Variants in ACSM3 observed in about 807,000 individuals in gnomAD.
ACSM3 encodes the protein acyl-coenzyme A synthetase ACSM3, mitochondrial.
A neutral mutation model predicts 74.1 loss-of-function variants in ACSM3; 61 were observed. The ratio of observed to expected loss-of-function variants is 0.82; its 90% CI spans 0.67 to 1.02. The LOEUF (loss-of-function observed/expected upper bound fraction) is 1.02, where lower values mean the gene tolerates loss of function less well. Ranked by LOEUF, ACSM3 falls within the 50% of genes least tolerant of loss-of-function variation. The pLI, the probability that ACSM3 is intolerant of heterozygous loss-of-function variation, is 0.00. For missense variants in ACSM3, 660 were observed against 697.0 expected, an observed-to-expected ratio of 0.95 and a Z score of 0.60; for synonymous variants, 213 against 241.5, an observed-to-expected ratio of 0.88 and a Z score of 1.09.
chr16:20,716,656 A>T (rs2079762727), intron 1 of ACSM3, among the ~76,000 whole-genome samples: 1 of 151,926 alleles, frequency 6.6e-6, no homozygotes, highest in Non-Finnish European at 1.5e-5. Flanking sequence ...ACATCCTCAC[A>T]CCCTCACCTG....
At chr16:20,704,466 G>T (rs189834769) in intron 1 of ACSM3, among the ~76,000 whole-genome samples, 1 of 152,280 alleles carries the variant, frequency 6.6e-6, no homozygotes, top group East Asian at 1.9e-4. Flanking sequence ...GGCTAACTTA[G>T]AACTGAGAGA....
chr16:20,784,426 T>A (rs1428932771), intron 7 of ACSM3: 1 of 152,724 alleles, frequency 6.5e-6, no homozygotes, highest in Non-Finnish European at 1.5e-5. Context: ...CATAGCTGTA[T>A]AGTATTCCAT....
At position 20,777,649 on chromosome 16, in the gene ACSM3, C is replaced by T. The variant is rs182142229; in HGVS notation, c.638+69C>T. 3.3e-4 allele frequency: 452 copies of T among 1,369,190 alleles called. 2 individuals carry two copies. The African/African-American group carries it at 6.0e-3, about 18-fold the overall frequency. The allele number at this position is 1,369,190 out of a possible 1,614,324, so 84.8% of individuals were successfully genotyped here. On this transcript the variant is annotated intron_variant, in intron 4 of 13. Coordinates refer to ENST00000289416, the MANE Select transcript of ACSM3 (RefSeq NM_005622.4). ...GGCAACAATAAAAAGATATTAAACC[C>T]AGCAGTGATTAGAAAAATGCAAATT... is the stretch of plus-strand genomic sequence containing the variant.
chr16:20,785,346 A>G (rs748388350), intron 8 of ACSM3, among the ~76,000 whole-genome samples: 1 of 152,232 alleles, frequency 6.6e-6, no homozygotes, highest in Non-Finnish European at 1.5e-5. Context: ...GGGCATTACA[A>G]TATTTTTTTA....
At chr16:20,696,173 C>T (rs1438349753) in intron 1 of ACSM3, among the ~76,000 whole-genome samples, 1 of 152,204 alleles carries the variant, frequency 6.6e-6, no homozygotes, top group East Asian at 1.9e-4. Context: ...TGTGTAAGTA[C>T]ACTCTATGAG....
intron 1 of ACSM3, among the ~76,000 whole-genome samples, chr16:20,689,347 A>C (rs2079611932): frequency 6.6e-6 from 1 of 152,156 alleles, no homozygotes; most frequent in South Asian, 2.1e-4. Flanking sequence ...GTGTCACTAC[A>C]AAAACTCAAG....
At chr16:20,782,972 C>T (rs899859302) in intron 7 of ACSM3, among the ~76,000 whole-genome samples, 4 of 152,180 alleles carry the variant, frequency 2.6e-5, no homozygotes, top group African/African-American at 9.7e-5. Flanking sequence ...AAACCTCATA[C>T]TTCAGGGATT....
chr16:20,762,888 C>T (rs1438084275), upstream of ACSM3, among the ~76,000 whole-genome samples: 1 of 152,202 alleles, frequency 6.6e-6, no homozygotes, highest in Non-Finnish European at 1.5e-5. Flanking sequence ...TCTCATCACT[C>T]TTATTCAACG....
rs150705712 is a variant in ACSM3, at chr16:20,701,329, C to T, written c.-190+26507C>T. 1.7e-3 allele frequency among the ~76,000 whole-genome samples: 252 copies of T among 152,082 alleles called. 1 individual carries two copies. Among genetic ancestry groups the T allele is most frequent in the African/African-American group, 5.7e-3 (236 of 41,492 alleles). On this transcript the variant is annotated intron_variant, in intron 1 of 3. Transcript: ENST00000561584. ...TGGTTTTATTTTTGTTCAACCATGC[C>T]GTATAAATTGACCAATGACTTCCCC...
At chr16:20,780,879 G>C (rs747948727) in intron 5 of ACSM3, 22 bp downstream of exon 5, 7 of 1,613,956 alleles carry the variant, frequency 4.3e-6, no homozygotes, top group Non-Finnish European at 5.1e-6. Flanking sequence ...CAAAAGTGCA[G>C]CTTGAAGTGT....
intron 1 of ACSM3, among the ~76,000 whole-genome samples, chr16:20,765,335 G>A (rs1025195367): frequency 6.6e-6 from 1 of 152,202 alleles, no homozygotes; most frequent in South Asian, 2.1e-4. Flanking sequence ...CTTTGTTGAG[G>A]AGAAGGTAAT....
At chr16:20,741,331 C>T (rs1365765655) in intron 1 of ACSM3, among the ~76,000 whole-genome samples, 1 of 152,240 alleles carries the variant, frequency 6.6e-6, no homozygotes, top group Non-Finnish European at 1.5e-5. Context: ...AAACCGATAG[C>T]ACCGAAGTCT....
At chr16:20,791,062 TG>T in intron 10 of ACSM3, 5 of 869,138 alleles carry the variant, frequency 5.8e-6, no homozygotes, top group Non-Finnish European at 8.9e-6. Context: ...GATGCGGGGG[TG>T]GTGGGATTAA....
chr16:20,793,549 C>A (rs1567365529), intron 12 of ACSM3, among the ~76,000 whole-genome samples: 1 of 151,994 alleles, frequency 6.6e-6, no homozygotes. Flanking sequence ...GATCTCCCCC[C>A]AGGACTGATT....
At chr16:20,737,077 G>C in intron 1 of ACSM3, 1 of 1,614,194 alleles carries the variant, frequency 6.2e-7, no homozygotes, top group Non-Finnish European at 8.5e-7. Context: ...GCAGATTCCA[G>C]TTTAGCTTCT....
intron 9 of ACSM3, chr16:20,786,448 A>G (rs536999427): frequency 2.4e-6 from 1 of 425,324 alleles, no homozygotes; most frequent in East Asian, 4.1e-5. Context: ...TGGGAGGCCA[A>G]GGCGGGAGCA....
In ACSM3 at chr16:20,785,012, G is replaced by T. The variant is rs1460734598; in HGVS notation, c.1048G>T (p.Val350Leu). Residue 350 changes from valine (V) to leucine (L), a missense_variant, in exon 8 of 14, where the codon GTG (valine) becomes TTG (leucine). Val to Leu is a conservative substitution (Grantham distance 32, BLOSUM62 1). Transcript: ENST00000289416. ...TAAGTTTAAAAGCTTAAAGCACTGT[G>T]TGAGTGCTGGGGAACCAATTACCCC... ...SYKFKSLKHC[V>L]SAGEPITPDV... The T allele has an allele frequency of 1.2e-6, 2 of 1,613,624 alleles. No homozygotes were observed. Among genetic ancestry groups the T allele is most frequent in the African/African-American group, 2.7e-5 (2 of 75,018 alleles).
chr16:20,793,398 C>T lies in ACSM3; in HGVS notation c.1554+1063C>T, dbSNP rs111274370. Among the ~76,000 whole-genome samples the T allele has an allele frequency of 7.3e-3, 1,113 of 152,164 alleles. 16 individuals are homozygous for T. The highest frequency in any genetic ancestry group is 0.025 in the African/African-American group (1,047 of 41,510). The stretch of plus-strand genomic sequence containing the variant: ...GCAGAAGAATCACTTGGACCCGGGA[C>T]GGGGAGGTTACAGTGAGCCAAGATC... On this transcript the variant is annotated intron_variant, in intron 12 of 13. Transcript: ENST00000289416.
chr16:20,772,397 T>A (rs11647875), intron 2 of ACSM3, among the ~76,000 whole-genome samples: 8,566 of 150,638 alleles, frequency 0.057, 250 homozygotes, highest in Middle Eastern at 0.13. Context: ...TAAAAAATTT[T>A]AAAAATTAAA....
Sources: gnomAD v4.1 joint callset for allele counts (sites outside exome capture counted in the v4.1 genomes callset) on GRCh38, gnomAD v4.1.1 for gene constraint, MANE v1.5 for transcripts, NCBI Gene and HGNC (gene_info 2026-07-23, HGNC 2026-07-21) for gene names.